RPH3A: variants seen among roughly 807,000 people sequenced by gnomAD.
RPH3A encodes the protein rabphilin 3A, also known as rabphilin-3A.
In RPH3A, 48 loss-of-function variants were observed where a neutral mutation model predicts 102.2. The observed-to-expected ratio is 0.47, with a 90% confidence interval of 0.37 to 0.60. RPH3A has a LOEUF of 0.60. Ranked by LOEUF, RPH3A falls within the 20% of genes least tolerant of loss-of-function variation. RPH3A has a pLI of 0.00. For synonymous variants in RPH3A, 310 were observed against 324.3 expected, an observed-to-expected ratio of 0.96 and a Z score of 0.47; for missense variants, 781 against 910.1, an observed-to-expected ratio of 0.86 and a Z score of 1.83.
At chr12:112,868,913 G>A (rs112706341) in intron 8 of RPH3A, 12 of 245,716 alleles carry the variant, frequency 4.9e-5, no homozygotes, top group Non-Finnish European at 7.7e-5. Context: ...TCACACTGGA[G>A]CCTGGGAGAA....
intron 1 of RPH3A, among the ~76,000 whole-genome samples, chr12:112,596,578 A>G (rs1182036169): frequency 6.6e-6 from 1 of 152,158 alleles, no homozygotes; most frequent in Non-Finnish European, 1.5e-5. Context: ...TTGTTCTATC[A>G]GTCTTTTGTC....
chr12:112,752,473 T>C (rs905753704), intron 1 of RPH3A, among the ~76,000 whole-genome samples: 23 of 152,342 alleles, frequency 1.5e-4, no homozygotes, highest in African/African-American at 5.1e-4. Context: ...TTATTTTCTA[T>C]GTATATGCTA....
chr12:112,711,754 A>C (rs914141505), intron 1 of RPH3A, among the ~76,000 whole-genome samples: 2 of 152,170 alleles, frequency 1.3e-5, no homozygotes, highest in African/African-American at 4.8e-5. Flanking sequence ...GTGATAACCC[A>C]TACTGCTTGC....
At chr12:112,617,496 G>C (rs532394179) in intron 1 of RPH3A, among the ~76,000 whole-genome samples, 2 of 152,140 alleles carry the variant, frequency 1.3e-5, no homozygotes, top group African/African-American at 4.8e-5. Flanking sequence ...TTATTCCCCA[G>C]ATACTTACAA....
Position 112,694,677 on chromosome 12 carries a change from CACACACAG to C in RPH3A, c.-139-97464_-139-97457del, listed in dbSNP as rs1248305578. ...ACACACACACACACACACACACACA[CACACACAG>C]AGAGAGAGAGAGAGAGATTCTGTTT... On this transcript the variant is annotated intron_variant, in intron 1 of 21. Transcript: ENST00000543106. Among the ~76,000 whole-genome samples the C allele has an allele frequency of 4.4e-3, 641 of 144,188 alleles. 2 individuals carry two copies. Among genetic ancestry groups the C allele is most frequent in the East Asian group, 0.016 (72 of 4,470 alleles). The allele number at this position is 144,188 out of a possible 152,430, so 94.6% of individuals were successfully genotyped here.
intron 1 of RPH3A, among the ~76,000 whole-genome samples, chr12:112,647,137 T>C (rs1258897879): frequency 6.6e-6 from 1 of 152,204 alleles, no homozygotes; most frequent in Non-Finnish European, 1.5e-5. Flanking sequence ...TTATGTTTAA[T>C]GGACAAAAGT....
In RPH3A at chr12:112,724,052, A is replaced by ATT. The variant is rs146271090; in HGVS notation, c.-139-68072_-139-68071dup. On this transcript the variant is annotated intron_variant, in intron 1 of 21. Transcript: ENST00000543106. ...CTTAACTTTTTCTTAAATTTTTTTG[A>ATT]TTTTTTTTTTTTTTTTTTTTGGAGA... is the stretch of plus-strand genomic sequence containing the variant. 7.7e-3 allele frequency among the ~76,000 whole-genome samples: 908 copies of ATT among 117,292 alleles called. 14 individuals carry two copies. Among genetic ancestry groups the ATT allele is most frequent in the African/African-American group, 0.026 (807 of 31,128 alleles). 76.9% of individuals were successfully genotyped at this position (117,292 alleles called of 152,430 possible). A position where few individuals can be genotyped will look rare whatever the true frequency, so the allele number is the denominator to read the frequency against.
intron 7 of RPH3A, 124 bp downstream of exon 7, chr12:112,866,964 G>A: frequency 3.0e-6 from 2 of 672,966 alleles, no homozygotes; most frequent in Non-Finnish European, 5.2e-6. Context: ...AACAACCTCA[G>A]AGTATTTGGA....
At chr12:112,728,873 A>C (rs368810871) in intron 1 of RPH3A, among the ~76,000 whole-genome samples, 90 of 152,306 alleles carry the variant, frequency 5.9e-4, no homozygotes, top group African/African-American at 2.1e-3. Context: ...TACTAGAAGC[A>C]AGGGGAGAAA....
chr12:112,721,919 A>G (rs1013447497), intron 1 of RPH3A, among the ~76,000 whole-genome samples: 2 of 152,188 alleles, frequency 1.3e-5, no homozygotes, highest in African/African-American at 4.8e-5. Flanking sequence ...AAAGAAAAAA[A>G]CCTCTTATTA....
intron 3 of RPH3A, among the ~76,000 whole-genome samples, chr12:112,833,951 C>G (rs979712878): frequency 8.5e-5 from 13 of 152,066 alleles, no homozygotes; most frequent in African/African-American, 3.1e-4. Context: ...TGGTTCCAAA[C>G]TCCTGGCCTC....
chr12:112,778,692 A>G (rs2040985757), intron 1 of RPH3A, among the ~76,000 whole-genome samples: 1 of 152,200 alleles, frequency 6.6e-6, no homozygotes, highest in African/African-American at 2.4e-5. Flanking sequence ...ATAGGCGTCA[A>G]CTTCAGGCTG....
chr12:112,846,119 A>G (rs1205686753), intron 4 of RPH3A, among the ~76,000 whole-genome samples: 1 of 152,254 alleles, frequency 6.6e-6, no homozygotes, highest in African/African-American at 2.4e-5. Context: ...ACTTTGCAGA[A>G]TAAGCAAGAA....
intron 1 of RPH3A, among the ~76,000 whole-genome samples, chr12:112,687,155 C>T (rs1057458329): frequency 4.6e-5 from 7 of 152,110 alleles, no homozygotes; most frequent in Non-Finnish European, 8.8e-5. Context: ...AAAAACCTAA[C>T]AGTGGTTGAA....
At chr12:112,806,625 T>C (rs1204184486) in intron 2 of RPH3A, among the ~76,000 whole-genome samples, 1 of 150,432 alleles carries the variant, frequency 6.6e-6, no homozygotes, top group Non-Finnish European at 1.5e-5. Context: ...AGAGACTCCA[T>C]CTCAAAAATT....
intron 7 of RPH3A, 197 bp from the exon 8 acceptor site, chr12:112,868,233 C>T: frequency 3.8e-6 from 2 of 522,064 alleles, no homozygotes; most frequent in Admixed American, 3.3e-5. Flanking sequence ...TAAACTGAAG[C>T]CCTTTCTACT....
intron 1 of RPH3A, among the ~76,000 whole-genome samples, chr12:112,661,994 G>C (rs1303841056): frequency 6.6e-6 from 1 of 151,946 alleles, no homozygotes; most frequent in Non-Finnish European, 1.5e-5. Flanking sequence ...TATACAATGG[G>C]GACAAAATTG....
At chr12:112,770,241 G>T (rs2040918429) in intron 1 of RPH3A, among the ~76,000 whole-genome samples, 1 of 151,962 alleles carries the variant, frequency 6.6e-6, no homozygotes, top group Non-Finnish European at 1.5e-5. Context: ...CTCCCCTCAG[G>T]CAGACACTGA....
chr12:112,719,083 T>A (rs1249710157), intron 1 of RPH3A, among the ~76,000 whole-genome samples: 1 of 152,188 alleles, frequency 6.6e-6, no homozygotes, highest in African/African-American at 2.4e-5. Context: ...GGAGGGGTGC[T>A]ACTGGCATAT....
Sources: allele counts gnomAD v4.1 joint callset (sites outside exome capture counted in the v4.1 genomes callset), GRCh38; gene constraint gnomAD v4.1.1; transcripts MANE v1.5; gene names NCBI Gene and HGNC (gene_info 2026-07-23, HGNC 2026-07-21).